The following TMEM150C variants were observed in gnomAD, a reference collection of about 807,000 sequenced individuals.
The protein encoded by TMEM150C is tentonin 3.
A neutral mutation model predicts 29.9 loss-of-function variants in TMEM150C; 10 were observed. The observed-to-expected ratio is 0.33, with a 90% CI of 0.21 to 0.57. TMEM150C has a LOEUF of 0.57. TMEM150C is among the 20% of genes least tolerant of loss of function. The pLI is 0.88. For synonymous variants in TMEM150C, 101 were observed against 112.5 expected, an observed-to-expected ratio of 0.90 and a Z score of 0.64; for missense variants, 251 against 303.6, an observed-to-expected ratio of 0.83 and a Z score of 1.29.
At chr4:82,514,062 C>T (rs1724215331) in intron 1 of TMEM150C, among the ~76,000 whole-genome samples, 1 of 152,208 alleles carries the variant, frequency 6.6e-6, no homozygotes, top group Non-Finnish European at 1.5e-5. Flanking sequence ...GGGGGATAAC[C>T]CCAGCACCCA....
rs973076139 is a variant in TMEM150C, at chr4:82,496,095, G to A, written c.336C>T (p.Phe112=). 5 of 1,613,816 alleles carry A rather than the reference G, an allele frequency of 3.1e-6. No individual in the cohort carries two copies. Among genetic ancestry groups the A allele is most frequent in the East Asian group, 4.5e-5 (2 of 44,890 alleles). ...SGLVALCLAS[F]GMTLLGNFQL... The stretch of plus-strand genomic sequence containing the variant: ...GAAAATTACCAAGTAAGGTCATTCC[G>A]AAGGAAGCCAGACACAGAGCCACCA... The change falls in exon 6 of 8, where the codon TTC becomes TTT. Residue 112 remains phenylalanine, a synonymous_variant. Transcript: ENST00000449862.
chr4:82,514,011 C>T (rs1478398657), intron 1 of TMEM150C, among the ~76,000 whole-genome samples: 1 of 152,236 alleles, frequency 6.6e-6, no homozygotes, highest in East Asian at 1.9e-4. Context: ...AAATTTGCAC[C>T]AGCAGGCAGT....
Position 82,502,801 on chromosome 4 carries a change from A to G in TMEM150C, c.168-7T>C. ...AGGATCATCACCTGCAATGCTTGAAAAAGATGAAATGTTTTATAGTTACTA... is the reference window on the plus strand; with the variant it reads ...AGGATCATCACCTGCAATGCTTGAAGAAGATGAAATGTTTTATAGTTACTA... On this transcript the variant is annotated splice_region_variant and splice_polypyrimidine_tract_variant and intron_variant, in intron 4 of 7. Transcript: ENST00000449862. 1.3e-6 allele frequency: 2 copies of G among 1,598,638 alleles called. No homozygotes were observed. Among genetic ancestry groups the G allele is most frequent in the South Asian group, 1.1e-5 (1 of 88,258 alleles).
chr4:82,527,564 C>T (rs1040923220), intron 1 of TMEM150C, among the ~76,000 whole-genome samples: 1 of 152,072 alleles, frequency 6.6e-6, no homozygotes, highest in African/African-American at 2.4e-5. Context: ...TTCCAGAGTC[C>T]TTGTGGGTCC....
intron 1 of TMEM150C, among the ~76,000 whole-genome samples, chr4:82,516,088 A>G (rs1264871433): frequency 6.6e-6 from 1 of 152,204 alleles, no homozygotes; most frequent in Non-Finnish European, 1.5e-5. Flanking sequence ...ACCAGAGCAC[A>G]ACAAGAAATG....
At chr4:82,497,732 G>C (rs1156825677) in intron 5 of TMEM150C, among the ~76,000 whole-genome samples, 2 of 152,206 alleles carry the variant, frequency 1.3e-5, no homozygotes, top group Non-Finnish European at 2.9e-5. Context: ...CTATTGGTTT[G>C]AGGGACCTAG....
chr4:82,520,915 C>G (rs943761039), intron 1 of TMEM150C, among the ~76,000 whole-genome samples: 1 of 152,114 alleles, frequency 6.6e-6, no homozygotes, highest in African/African-American at 2.4e-5. Context: ...ACTGGCTAAG[C>G]CCCTACCTCA....
intron 1 of TMEM150C, among the ~76,000 whole-genome samples, chr4:82,544,595 A>C (rs1448732214): frequency 6.6e-6 from 1 of 152,158 alleles, no homozygotes; most frequent in South Asian, 2.1e-4. Flanking sequence ...CCTGGGCAAC[A>C]TGGCAAAACC....
intron 1 of TMEM150C, among the ~76,000 whole-genome samples, chr4:82,547,744 A>T (rs1056679696): frequency 2.6e-5 from 4 of 152,230 alleles, no homozygotes; most frequent in African/African-American, 9.6e-5. Flanking sequence ...AATGCTTAGG[A>T]ACTGTTGGTG....
chr4:82,503,091 A>C lies in TMEM150C; in HGVS notation c.102T>G (p.Asp34Glu). The C allele has an allele frequency of 1.2e-6, 2 of 1,610,936 alleles. No homozygotes were observed. The highest frequency in any genetic ancestry group is 8.5e-7 in the Non-Finnish European group (1 of 1,177,980). ...CTGAATTTAATGGTAAAATTTTGTC[A>C]TCTTCCACAGCTATGAAGTATCTAT... is the stretch of plus-strand genomic sequence containing the variant. The part of the protein sequence containing the change: ...LWIVYFIAVE[D>E]DKILPLNSAE... The change falls in exon 3 of 8, where the codon GAT (aspartate) becomes GAG (glutamate). Residue 34 changes from aspartate to glutamate, a missense_variant. Asp to Glu is a conservative substitution (Grantham distance 45, BLOSUM62 2). Transcript: ENST00000449862.
At chr4:82,556,119 C>A (rs1347714352) in intron 1 of TMEM150C, among the ~76,000 whole-genome samples, 5 of 151,304 alleles carry the variant, frequency 3.3e-5, no homozygotes, top group Non-Finnish European at 7.4e-5. Context: ...GGGGGGATTA[C>A]AGGCACACAT....
chr4:82,562,117 C>T, upstream of TMEM150C: 2 of 1,258,888 alleles, frequency 1.6e-6, no homozygotes, highest in Non-Finnish European at 2.1e-6. Context: ...AGTTGATCCC[C>T]TGGGTCTCGG....
chr4:82,500,642 G>A lies in TMEM150C; in HGVS notation c.235+2085C>T, dbSNP rs80331081. On this transcript the variant is annotated intron_variant, in intron 5 of 7. Transcript: ENST00000449862. ...AATATCATCTGGAAGAGGGGATCTT[G>A]CTTTCATTGCTTTGCTTTTGGAAAT... Among the ~76,000 whole-genome samples the A allele has an allele frequency of 6.0e-3, 917 of 152,262 alleles. 7 individuals carry two copies. The highest frequency in any genetic ancestry group is 0.011 in the Admixed American group (168 of 15,286).
At chr4:82,496,243 C>G (rs778269770) in intron 5 of TMEM150C, 48 bp from the exon 6 acceptor site, 1 of 1,547,322 alleles carries the variant, frequency 6.5e-7, no homozygotes, top group Non-Finnish European at 8.8e-7. Flanking sequence ...AATCACACAC[C>G]TAGACTGTGA....
intron 1 of TMEM150C, among the ~76,000 whole-genome samples, chr4:82,517,715 T>C (rs984287722): frequency 7.9e-5 from 12 of 152,192 alleles, no homozygotes; most frequent in African/African-American, 2.9e-4. Context: ...AGACTTGGAC[T>C]GGATTGTAAC....
intron 5 of TMEM150C, among the ~76,000 whole-genome samples, chr4:82,501,048 T>TCC (rs1297085165): frequency 5.5e-4 from 84 of 152,298 alleles, no homozygotes; most frequent in African/African-American, 1.9e-3. Context: ...CCAGGAAAGG[T>TCC]CCCTGACCCT....
chr4:82,510,553 A>G (rs1031536470), intron 1 of TMEM150C, among the ~76,000 whole-genome samples: 7 of 152,162 alleles, frequency 4.6e-5, no homozygotes, highest in African/African-American at 1.7e-4. Flanking sequence ...AGCAAAGTGG[A>G]AATAATAATG....
chr4:82,489,597 T>C lies in TMEM150C; in HGVS notation c.541+464A>G, dbSNP rs142570086. On this transcript the variant is annotated intron_variant, in intron 7 of 7. Coordinates refer to ENST00000449862, the MANE Select transcript of TMEM150C (RefSeq NM_001080506.3). ...AGCCTTAATCTAGTGCTTGAATTTG[T>C]CTTCCAGAAAAGCTTCATTATTTTC... 3.0e-3 allele frequency among the ~76,000 whole-genome samples: 460 copies of C among 152,294 alleles called. 2 individuals carry two copies. Among genetic ancestry groups the C allele is most frequent in the African/African-American group, 0.01 (432 of 41,552 alleles).
chr4:82,537,748 T>C (rs1725058166), intron 1 of TMEM150C, among the ~76,000 whole-genome samples: 3 of 152,044 alleles, frequency 2.0e-5, no homozygotes, highest in Non-Finnish European at 2.9e-5. Context: ...TAGACACACA[T>C]AGGGAAGAAG....
Sources: gnomAD v4.1 joint callset for allele counts (sites outside exome capture counted in the v4.1 genomes callset) on GRCh38, gnomAD v4.1.1 for gene constraint, MANE v1.5 for transcripts, NCBI Gene and HGNC (gene_info 2026-07-23, HGNC 2026-07-21) for gene names.